The following PRKCB variants were observed in gnomAD, a reference collection of about 807,000 sequenced individuals.
The protein encoded by PRKCB is protein kinase C beta type.
A neutral mutation model predicts 81.5 loss-of-function variants in PRKCB; 13 were observed. The observed-to-expected ratio is 0.16, with a 90% CI of 0.10 to 0.25. PRKCB has a LOEUF of 0.25. PRKCB is among the 10% of genes least tolerant of loss of function. PRKCB has a pLI of 1.00. For synonymous variants in PRKCB, 335 were observed against 321.4 expected (o/e 1.04, Z -0.45); for missense variants, 509 against 875.7 (o/e 0.58, Z 5.29).
intron 9 of PRKCB, among the ~76,000 whole-genome samples, chr16:24,130,222 G>A (rs767887188): frequency 6.6e-6 from 1 of 152,076 alleles, no homozygotes; most frequent in Non-Finnish European, 1.5e-5. Flanking sequence ...TTTGAAAAAC[G>A]CATAGTTTTT....
chr16:24,212,015 C>T (rs1172877402), intron 16 of PRKCB, among the ~76,000 whole-genome samples: 4 of 152,176 alleles, frequency 2.6e-5, no homozygotes, highest in South Asian at 2.1e-4. Context: ...TACCTTCACT[C>T]CTCCAGCAAC....
intron 10 of PRKCB, among the ~76,000 whole-genome samples, chr16:24,156,057 A>C (rs1967151250): frequency 6.6e-6 from 1 of 152,188 alleles, no homozygotes. Flanking sequence ...CTGTTAACTC[A>C]TTAGGGATTG....
At chr16:24,185,836 G>A (rs1596588168) in intron 15 of PRKCB, among the ~76,000 whole-genome samples, 2 of 152,220 alleles carry the variant, frequency 1.3e-5, no homozygotes, top group Admixed American at 6.5e-5. Context: ...ACAGGGGAAT[G>A]CTTATTGAAT....
intron 11 of PRKCB, 72 bp downstream of exon 11, chr16:24,172,433 T>G (rs1967457298): frequency 7.3e-7 from 1 of 1,369,644 alleles, no homozygotes; most frequent in Non-Finnish European, 1.0e-6. Flanking sequence ...TGAGGGTGTT[T>G]TTTTGCCAAA....
intron 12 of PRKCB, among the ~76,000 whole-genome samples, chr16:24,176,301 G>T (rs1163000469): frequency 3.9e-5 from 6 of 151,936 alleles, no homozygotes; most frequent in African/African-American, 1.5e-4. Context: ...AGAAGAAGAA[G>T]AATTTAGAAG....
At chr16:23,930,799 C>A (rs1338775949) in intron 2 of PRKCB, among the ~76,000 whole-genome samples, 1 of 152,098 alleles carries the variant, frequency 6.6e-6, no homozygotes, top group African/African-American at 2.4e-5. Context: ...ACATAGATAA[C>A]ATTTAATTTT....
chr16:24,071,860 C>T (rs1218004905), intron 5 of PRKCB, among the ~76,000 whole-genome samples: 2 of 151,990 alleles, frequency 1.3e-5, no homozygotes, highest in Non-Finnish European at 2.9e-5. Flanking sequence ...GTAACCATGC[C>T]CAAGCCTTTG....
chr16:24,109,445 G>A (rs1359699664), intron 7 of PRKCB, among the ~76,000 whole-genome samples: 2 of 121,704 alleles, frequency 1.6e-5, no homozygotes, highest in Non-Finnish European at 3.3e-5. Flanking sequence ...CGGCCGGGCA[G>A]AGGTGCTCCT....
chr16:24,074,916 G>A (rs947266959), intron 5 of PRKCB, among the ~76,000 whole-genome samples: 1 of 152,114 alleles, frequency 6.6e-6, no homozygotes, highest in East Asian at 1.9e-4. Flanking sequence ...GAGGCCAGGA[G>A]TTTGAGACCA....
At chr16:24,200,660 A>T (rs1343311720) in intron 16 of PRKCB, among the ~76,000 whole-genome samples, 2 of 152,150 alleles carry the variant, frequency 1.3e-5, no homozygotes, top group Non-Finnish European at 2.9e-5. Flanking sequence ...AGGGCAAGAG[A>T]GAGTATGCGT....
At chr16:24,147,919 C>T (rs1037690748) in intron 9 of PRKCB, among the ~76,000 whole-genome samples, 1 of 152,178 alleles carries the variant, frequency 6.6e-6, no homozygotes, top group African/African-American at 2.4e-5. Flanking sequence ...TCCAAACTGT[C>T]CCAACGTTGC....
At chr16:23,879,326 C>G (rs146717219) in intron 2 of PRKCB, among the ~76,000 whole-genome samples, 2 of 152,126 alleles carry the variant, frequency 1.3e-5, no homozygotes, top group East Asian at 3.9e-4. Context: ...AAGTGGTTTT[C>G]TTTAGTAAGT....
chr16:23,875,810 C>CATATATAT (rs10664787), intron 2 of PRKCB, among the ~76,000 whole-genome samples: 1 of 62,062 alleles, frequency 1.6e-5, no homozygotes, highest in East Asian at 7.3e-4. Flanking sequence ...GTGTGTATAT[C>CATATATAT]ATATATATAT....
chr16:23,885,173 C>A (rs1428017526), intron 2 of PRKCB, among the ~76,000 whole-genome samples: 2 of 152,220 alleles, frequency 1.3e-5, no homozygotes, highest in Non-Finnish European at 2.9e-5. Context: ...CCTTCTCCTG[C>A]TACCCTTTAC....
chr16:24,153,523 A>G (rs912021971), intron 9 of PRKCB, among the ~76,000 whole-genome samples: 1 of 152,198 alleles, frequency 6.6e-6, no homozygotes, highest in Non-Finnish European at 1.5e-5. Flanking sequence ...TCCCCAAACC[A>G]GGTTAGGACT....
chr16:23,937,377 A>G (rs1964076625), intron 2 of PRKCB, among the ~76,000 whole-genome samples: 1 of 152,230 alleles, frequency 6.6e-6, no homozygotes, highest in Non-Finnish European at 1.5e-5. Context: ...CTCGGGACAA[A>G]GTCTGCGACT....
chr16:23,944,964 G>T (rs1424390721), intron 2 of PRKCB, among the ~76,000 whole-genome samples: 1 of 152,164 alleles, frequency 6.6e-6, no homozygotes, highest in East Asian at 1.9e-4. Context: ...GGGACTGAGG[G>T]GCCAAGGAGG....
At chr16:24,099,024 T>TA (rs1297221406) in intron 7 of PRKCB, 1 of 152,124 alleles carries the variant, frequency 6.6e-6, no homozygotes, top group Non-Finnish European at 1.5e-5. Context: ...AAATCAAACT[T>TA]AAAGAGGTTA....
At chr16:24,049,278 C>T (rs895174652) in intron 5 of PRKCB, among the ~76,000 whole-genome samples, 5 of 151,806 alleles carry the variant, frequency 3.3e-5, no homozygotes, top group African/African-American at 1.2e-4. Context: ...CCGGGACCTG[C>T]ACCCTTTACC....
Sources: allele counts gnomAD v4.1 joint callset (sites outside exome capture counted in the v4.1 genomes callset), GRCh38; gene constraint gnomAD v4.1.1; transcripts MANE v1.5; gene names NCBI Gene and HGNC (gene_info 2026-07-23, HGNC 2026-07-21).